MAML3: variants seen among roughly 807,000 people sequenced by gnomAD.
MAML3 encodes mastermind-like protein 3.
MAML3 carries 27 observed loss-of-function variants against 101.9 expected under a neutral mutation model. The ratio of observed to expected loss-of-function variants is 0.27; its 90% CI spans 0.20 to 0.37. MAML3 has a LOEUF of 0.37. MAML3 is among the 10% of genes least tolerant of loss of function. The probability of loss-of-function intolerance (pLI) is 1.00; values close to 1 mark genes in which losing one functional copy is unlikely to be tolerated. For synonymous variants in MAML3, 501 were observed against 555.9 expected (o/e 0.90, Z 1.39); for missense variants, 1,316 against 1,444.9 (o/e 0.91, Z 1.45).
intron 2 of MAML3, among the ~76,000 whole-genome samples, chr4:139,870,301 C>G (rs934954856): frequency 1.3e-5 from 2 of 152,176 alleles, no homozygotes; most frequent in Non-Finnish European, 2.9e-5. Context: ...CCCCTCACCC[C>G]ACCCTACCCC....
At chr4:139,814,053 C>CACACACACACACACAG (rs1480462346) in intron 2 of MAML3, among the ~76,000 whole-genome samples, 1 of 151,790 alleles carries the variant, frequency 6.6e-6, no homozygotes, top group Non-Finnish European at 1.5e-5. Context: ...CACACACACA[C>CACACACACACACACAG]ACAGAATGAT....
At position 139,864,630 on chromosome 4, in the gene MAML3, C is replaced by T. The variant is rs1364072729; in HGVS notation, c.2079+24727G>A. 3.7e-5 allele frequency among the ~76,000 whole-genome samples: 5 copies of T among 135,618 alleles called. 1 individual carries two copies. Among genetic ancestry groups the T allele is most frequent in the South Asian group, 4.6e-4 (2 of 4,330 alleles). The allele number at this position is 135,618 out of a possible 152,430, so 89.0% of individuals were successfully genotyped here. ...GGCGGAGGTTGCAGTGAGCCAAGATCGCGTCACTGCCCTCCAGCCTGGCGA... is the reference window on the plus strand; with the variant it reads ...GGCGGAGGTTGCAGTGAGCCAAGATTGCGTCACTGCCCTCCAGCCTGGCGA... On this transcript the variant is annotated intron_variant, in intron 2 of 4. Transcript: ENST00000509479.
At chr4:140,094,452 A>G (rs867348729) in intron 1 of MAML3, among the ~76,000 whole-genome samples, 3 of 152,232 alleles carry the variant, frequency 2.0e-5, no homozygotes, top group African/African-American at 7.2e-5. Flanking sequence ...TGATGCTGCG[A>G]CCGCCAACCA....
chr4:139,958,768 C>G (rs775458735), intron 1 of MAML3, among the ~76,000 whole-genome samples: 1 of 152,192 alleles, frequency 6.6e-6, no homozygotes, highest in Non-Finnish European at 1.5e-5. Context: ...GTCTGAAGTA[C>G]TTATCCGTTT....
intron 1 of MAML3, among the ~76,000 whole-genome samples, chr4:139,999,650 T>A (rs9996587): frequency 1.3e-5 from 2 of 151,978 alleles, no homozygotes; most frequent in Admixed American, 6.5e-5. Context: ...ACAGAGAGGC[T>A]TGGCAGTCTA....
intron 1 of MAML3, among the ~76,000 whole-genome samples, chr4:140,054,096 G>A (rs982794747): frequency 1.3e-5 from 2 of 152,116 alleles, no homozygotes; most frequent in South Asian, 4.2e-4. Context: ...ATGGGCAGGC[G>A]CAGTGGCTCA....
At chr4:140,056,917 C>T (rs906872482) in intron 1 of MAML3, among the ~76,000 whole-genome samples, 4 of 152,058 alleles carry the variant, frequency 2.6e-5, no homozygotes, top group Admixed American at 6.6e-5. Context: ...TGTGCAGGCA[C>T]GAAGCCAGGA....
chr4:139,995,895 A>G (rs1280079879), intron 1 of MAML3, among the ~76,000 whole-genome samples: 2 of 151,786 alleles, frequency 1.3e-5, no homozygotes, highest in African/African-American at 2.4e-5. Context: ...TTTACTTGAT[A>G]CCATTTTTCT....
intron 1 of MAML3, among the ~76,000 whole-genome samples, chr4:140,151,202 A>AGGGAGGAGGAAGGGGAGG (rs1292611893): frequency 1.2e-4 from 18 of 150,048 alleles, no homozygotes; most frequent in Non-Finnish European, 1.9e-4. Flanking sequence ...AGGAGGAGGA[A>AGGGAGGAGGAAGGGGAGG]GGGAGGAGGA....
intron 1 of MAML3, among the ~76,000 whole-genome samples, chr4:139,916,641 T>C (rs1353365388): frequency 1.3e-5 from 2 of 152,250 alleles, no homozygotes; most frequent in African/African-American, 4.8e-5. Context: ...ATGGTTCTAT[T>C]GCAAGAGTTG....
chr4:140,011,164 AT>A (rs1267970214), intron 1 of MAML3, among the ~76,000 whole-genome samples: 4 of 73,968 alleles, frequency 5.4e-5, no homozygotes, highest in African/African-American at 2.2e-4. Flanking sequence ...ATTTATATAT[AT>A]GACATATATG....
intron 2 of MAML3, chr4:139,731,144 T>C (rs1255396963): frequency 6.0e-6 from 1 of 166,594 alleles, no homozygotes; most frequent in African/African-American, 2.4e-5. Flanking sequence ...AATTTGTTAA[T>C]CAACAGATCT....
chr4:139,888,215 A>C (rs1433710882), intron 2 of MAML3, among the ~76,000 whole-genome samples: 1 of 152,202 alleles, frequency 6.6e-6, no homozygotes, highest in African/African-American at 2.4e-5. Context: ...TACAAGATGC[A>C]AATAACCAAG....
chr4:139,746,888 C>G (rs187488364), intron 2 of MAML3, among the ~76,000 whole-genome samples: 1 of 152,086 alleles, frequency 6.6e-6, no homozygotes, highest in Non-Finnish European at 1.5e-5. Flanking sequence ...TAGGGAGAAT[C>G]GGGTGGGAGG....
rs547418049 is a variant in MAML3 at position 139,905,405 on chromosome 4, T to C, written c.469-14438A>G. Reference sequence around the variant, plus strand: ...TACTCAGGAGGCTGAAGCAGAAGAATGGCATGAACCCGGGAGGCAGAGCTT... The same window carrying C: ...TACTCAGGAGGCTGAAGCAGAAGAACGGCATGAACCCGGGAGGCAGAGCTT... On this transcript the variant is annotated intron_variant, in intron 1 of 4. Coordinates refer to ENST00000509479, the MANE Select transcript of MAML3 (RefSeq NM_018717.5). 5.7e-4 allele frequency among the ~76,000 whole-genome samples: 79 copies of C among 138,666 alleles called. 1 individual carries two copies. In the South Asian group the frequency reaches 0.018, roughly 31 times the overall value. The allele number at this position is 138,666 out of a possible 152,430, so 91.0% of individuals were successfully genotyped here. A position where few individuals can be genotyped will look rare whatever the true frequency, so the allele number is the denominator to read the frequency against.
chr4:139,730,652 C>T lies in MAML3; in HGVS notation c.2095G>A (p.Gly699Arg). The part of the protein sequence containing the change: ...PSHGQEQHPV[G>R]LPRTTGPMQS... ...ATGGGGCCTGTGGTTCGGGGAAGTC[C>T]AACTGGATGCTGCTCCTGGGAAGAC... The change falls in exon 3 of 5, where the codon GGA becomes AGA. Residue 699 changes from glycine (G) to arginine (R), a missense_variant. Coordinates refer to ENST00000509479, the MANE Select transcript of MAML3 (RefSeq NM_018717.5). 1 of 1,612,280 alleles carries T rather than the reference C, an allele frequency of 6.2e-7. No individual in the cohort carries two copies. Among genetic ancestry groups the T allele is most frequent in the Non-Finnish European group, 8.5e-7 (1 of 1,179,058 alleles).
intron 1 of MAML3, among the ~76,000 whole-genome samples, chr4:139,991,224 A>C (rs1001280927): frequency 6.6e-6 from 1 of 152,196 alleles, no homozygotes; most frequent in East Asian, 1.9e-4. Context: ...GTGGAACAGA[A>C]CAGAGCCCTC....
intron 2 of MAML3, among the ~76,000 whole-genome samples, chr4:139,744,417 G>T (rs528192790): frequency 6.6e-6 from 1 of 152,162 alleles, no homozygotes; most frequent in African/African-American, 2.4e-5. Context: ...CCACCCCCCA[G>T]GAGCATGGGT....
chr4:139,968,368 C>T (rs1034224244), intron 1 of MAML3, among the ~76,000 whole-genome samples: 1 of 151,038 alleles, frequency 6.6e-6, no homozygotes, highest in Non-Finnish European at 1.5e-5. Context: ...TAGACCAGAG[C>T]CCATATGAGG....
Sources: allele counts gnomAD v4.1 joint callset (sites outside exome capture counted in the v4.1 genomes callset), GRCh38; gene constraint gnomAD v4.1.1; transcripts MANE v1.5; gene names NCBI Gene and HGNC (gene_info 2026-07-23, HGNC 2026-07-21).